Variants in UACA observed in about 807,000 individuals in gnomAD.
UACA encodes uveal autoantigen with coiled-coil domains and ankyrin repeats.
In UACA, 112 loss-of-function variants were observed where a neutral mutation model predicts 160.5. The ratio of observed to expected loss-of-function variants is 0.70; its 90% CI spans 0.60 to 0.82. UACA has a LOEUF of 0.82. Among genes scored for constraint, UACA ranks in the 40% least tolerant of loss-of-function variants. The pLI is 0.00. For missense variants in UACA, 1,574 were observed against 1,614.6 expected, an observed-to-expected ratio of 0.97 and a Z score of 0.43; for synonymous variants, 557 against 568.4, an observed-to-expected ratio of 0.98 and a Z score of 0.29.
Position 70,656,600 on chromosome 15 carries a change from C to T in UACA, c.*456G>A, listed in dbSNP as rs960297404. On this transcript the variant is annotated 3_prime_UTR_variant, in exon 19 of 19. Transcript: ENST00000322954. ...ATACTGTAACATGTAACTTGGCCAG[C>T]CAAGTTACAACACATTCCTCACAAC... 1.0e-4 allele frequency: 16 copies of T among 152,602 alleles called. No homozygotes were observed. The highest frequency in any genetic ancestry group is 3.6e-4 in the African/African-American group (15 of 41,398). The allele number at this position is 152,602 out of a possible 1,614,324, so 9.5% of individuals were successfully genotyped here.
At chr15:70,736,631 G>T (rs557294019) in intron 1 of UACA, among the ~76,000 whole-genome samples, 1 of 151,960 alleles carries the variant, frequency 6.6e-6, no homozygotes, top group Admixed American at 6.6e-5. Context: ...AGTAGAGAGG[G>T]GCTTTCACCA....
intron 15 of UACA, among the ~76,000 whole-genome samples, chr15:70,670,160 G>A (rs1465406962): frequency 1.3e-5 from 2 of 152,168 alleles, no homozygotes; most frequent in African/African-American, 4.8e-5. Context: ...GGAGCTGGGT[G>A]AGCAGGCTCA....
intron 1 of UACA, among the ~76,000 whole-genome samples, chr15:70,719,206 C>T (rs1374419200): frequency 6.6e-6 from 1 of 152,248 alleles, no homozygotes; most frequent in South Asian, 2.1e-4. Context: ...AAAGAGAGAA[C>T]CTGAAATTCC....
chr15:70,735,387 AAATC>A (rs1899334707), intron 1 of UACA, among the ~76,000 whole-genome samples: 1 of 151,862 alleles, frequency 6.6e-6, no homozygotes, highest in African/African-American at 2.4e-5. Flanking sequence ...ACACCATTCT[AAATC>A]TAAATCCATC....
rs756537761 is a variant in UACA, at chr15:70,684,281, C to T, written c.768G>A (p.Ser256=). Reference sequence around the variant, plus strand: ...TGCTGATACCTTTGTTGGTATTTTCCGATGCAGTCTTCAACAAGGTTAGAA... The same window carrying T: ...TGCTGATACCTTTGTTGGTATTTTCTGATGCAGTCTTCAACAAGGTTAGAA... ...LDILTLLKTA[S]ENTNKGRELW... is the part of the protein sequence containing the mutation. Residue 256 remains serine (S), a synonymous_variant, in exon 8 of 19, where the codon TCG becomes TCA. Transcript: ENST00000322954. 7.5e-6 allele frequency: 12 copies of T among 1,606,696 alleles called. No homozygotes were observed. Among genetic ancestry groups the T allele is most frequent in the South Asian group, 2.2e-5 (2 of 89,316 alleles).
intron 2 of UACA, among the ~76,000 whole-genome samples, 189 bp downstream of exon 2, chr15:70,699,338 T>G (rs1475518790): frequency 6.6e-6 from 1 of 152,160 alleles, no homozygotes; most frequent in Non-Finnish European, 1.5e-5. Context: ...AGTATTCTAG[T>G]GTTCCCTCTC....
intron 1 of UACA, among the ~76,000 whole-genome samples, chr15:70,761,556 TAC>T (rs1595930489): frequency 6.6e-6 from 1 of 152,232 alleles, no homozygotes; most frequent in East Asian, 1.9e-4. Flanking sequence ...TATTCATCAC[TAC>T]AGTTTTATTT....
At chr15:70,665,274 T>G (rs896906785) in intron 16 of UACA, among the ~76,000 whole-genome samples, 1 of 152,176 alleles carries the variant, frequency 6.6e-6, no homozygotes, top group Non-Finnish European at 1.5e-5. Context: ...ACCACTTTGT[T>G]GTAGAGAGAA....
chr15:70,671,007 T>A, intron 15 of UACA, 32 bp downstream of exon 15: 1 of 1,463,422 alleles, frequency 6.8e-7, no homozygotes, highest in Non-Finnish European at 9.2e-7. Context: ...CTTTAAATGT[T>A]TTTTAAAATT....
At chr15:70,691,982 G>A (rs1457386251) in intron 3 of UACA, among the ~76,000 whole-genome samples, 1 of 152,100 alleles carries the variant, frequency 6.6e-6, no homozygotes, top group East Asian at 1.9e-4. Context: ...AATCTGAAAG[G>A]TTAATTCTGA....
chr15:70,745,832 G>C (rs1899691963), intron 1 of UACA, among the ~76,000 whole-genome samples: 1 of 152,008 alleles, frequency 6.6e-6, no homozygotes, highest in Admixed American at 6.6e-5. Flanking sequence ...TCTGACCTTT[G>C]ACAAACCTGA....
rs903041127 is a variant in UACA at position 70,667,345 on chromosome 15, T to A, written c.3339A>T (p.Pro1113=). The A allele has an allele frequency of 6.2e-7, 1 of 1,612,978 alleles. No homozygotes were observed. Among genetic ancestry groups the A allele is most frequent in the Non-Finnish European group, 8.5e-7 (1 of 1,179,828 alleles). ...VQNLLQKQHV[P]LEQVEALKKS... ...TTTTCAGAGCCTCAACCTGTTCCAA[T>A]GGAACATGTTGTTTTTGCAAAAGAT... Residue 1113 remains proline, a synonymous_variant, in exon 16 of 19, where the codon CCA becomes CCT. Transcript: ENST00000322954.
chr15:70,775,889 C>T, the UACA span, among the ~76,000 whole-genome samples: 1 of 152,148 alleles, frequency 6.6e-6, no homozygotes, highest in Non-Finnish European at 1.5e-5. Flanking sequence ...TAACTTAATG[C>T]CATCTTAAAC....
intron 14 of UACA, chr15:70,671,368 T>G (rs1897134707): frequency 4.1e-6 from 1 of 246,678 alleles, no homozygotes. Context: ...TCAGAAATAT[T>G]GAGGACTCTT....
chr15:70,703,222 G>C (rs1453310198), intron 1 of UACA: 2 of 1,288,312 alleles, frequency 1.6e-6, no homozygotes, highest in Non-Finnish European at 2.0e-6. Context: ...TACCACAATA[G>C]CATGAGAATA....
At chr15:70,756,567 T>C (rs1212672999) in intron 1 of UACA, among the ~76,000 whole-genome samples, 1 of 152,132 alleles carries the variant, frequency 6.6e-6, no homozygotes, top group East Asian at 1.9e-4. Flanking sequence ...GACTCCAAAA[T>C]ATTTCTTTGA....
Position 70,679,644 on chromosome 15 carries a change from A to G in UACA, c.855T>C (p.Asn285=). ...GATGCTCCCTCTGATGTGACTTCAC[A>G]TTTACTTCATCTTGCATGTGTGTCA... ...RNLTHMQDEV[N]VKSHQREHQN... is the part of the protein sequence containing the mutation. The change falls in exon 10 of 19, where the codon AAT becomes AAC. Residue 285 remains asparagine, a synonymous_variant. Transcript: ENST00000322954. 6.3e-7 allele frequency: 1 copy of G among 1,591,470 alleles called. No individual in the cohort carries two copies. The highest frequency in any genetic ancestry group is 8.6e-7 in the Non-Finnish European group (1 of 1,169,564).
chr15:70,681,014 T>C (rs1259150317), intron 9 of UACA, among the ~76,000 whole-genome samples: 1 of 152,192 alleles, frequency 6.6e-6, no homozygotes, highest in African/African-American at 2.4e-5. Flanking sequence ...TGCTGCCCCA[T>C]GAACATGTCT....
chr15:70,706,519 TAA>T (rs34478198), intron 1 of UACA, among the ~76,000 whole-genome samples: 18 of 121,326 alleles, frequency 1.5e-4, no homozygotes, highest in Non-Finnish European at 2.2e-4. Flanking sequence ...TCTTATTTGT[TAA>T]AAAAAAAAAA....
Sources: gnomAD v4.1 joint callset for allele counts (sites outside exome capture counted in the v4.1 genomes callset) on GRCh38, gnomAD v4.1.1 for gene constraint, MANE v1.5 for transcripts, NCBI Gene and HGNC (gene_info 2026-07-23, HGNC 2026-07-21) for gene names.